The following FAM171A1 variants were observed in gnomAD, a reference collection of about 807,000 sequenced individuals.
FAM171A1 encodes family with sequence similarity 171 member A1.
FAM171A1 carries 23 observed loss-of-function variants against 74.9 expected under a neutral mutation model. The observed-to-expected ratio is 0.31, with a 90% confidence interval of 0.22 to 0.44. The LOEUF is 0.44. Ranked by LOEUF, FAM171A1 falls within the 20% of genes least tolerant of loss-of-function variation. The pLI, the probability that FAM171A1 is intolerant of heterozygous loss-of-function variation, is 1.00. For missense variants in FAM171A1, 1,162 were observed against 1,159.2 expected, an observed-to-expected ratio of 1.00 and a Z score of -0.03; for synonymous variants, 527 against 505.7, an observed-to-expected ratio of 1.04 and a Z score of -0.57.
intron 5 of FAM171A1, among the ~76,000 whole-genome samples, chr10:15,221,417 AG>A (rs1239223201): frequency 6.6e-6 from 1 of 152,142 alleles, no homozygotes; most frequent in African/African-American, 2.4e-5. Flanking sequence ...GTGAAAAGAG[AG>A]GGGGAAATCC....
At chr10:15,277,272 C>T (rs1834906228) in intron 2 of FAM171A1, among the ~76,000 whole-genome samples, 1 of 152,254 alleles carries the variant, frequency 6.6e-6, no homozygotes, top group South Asian at 2.1e-4. Flanking sequence ...GGCTGGAGTG[C>T]AATCGCGTGA....
Position 15,243,371 on chromosome 10 carries a change from G to A in FAM171A1, c.754+5268C>T, listed in dbSNP as rs1287838453. Among the ~76,000 whole-genome samples the A allele has an allele frequency of 2.0e-5, 3 of 152,122 alleles. No individual in the cohort carries two copies. The East Asian group carries it at 5.8e-4, about 29-fold the overall frequency. ...ATCACTTCCACCAAGTCCCTTGACC[G>A]TATAAGGTAATATCCACAGGGCCTG... is the stretch of plus-strand genomic sequence containing the variant. On this transcript the variant is annotated intron_variant, in intron 5 of 7. Transcript: ENST00000378116.
At chr10:15,292,843 C>G (rs1835118161) in intron 1 of FAM171A1, among the ~76,000 whole-genome samples, 1 of 152,168 alleles carries the variant, frequency 6.6e-6, no homozygotes, top group African/African-American at 2.4e-5. Flanking sequence ...CACCAAAACA[C>G]AATTATCATG....
chr10:15,339,807 GAA>G (rs373876435), intron 1 of FAM171A1, among the ~76,000 whole-genome samples: 1,851 of 152,258 alleles, frequency 0.012, 35 homozygotes, highest in African/African-American at 0.042. Flanking sequence ...AATTTATAAA[GAA>G]AAAGAGGCTT....
In FAM171A1 at chr10:15,248,541, C is replaced by T; in HGVS notation, c.754+98G>A. On this transcript the variant is annotated intron_variant, in intron 5 of 7. Coordinates refer to ENST00000378116, the MANE Select transcript of FAM171A1 (RefSeq NM_001010924.2). Reference sequence around the variant, plus strand: ...CAATGTGAGCAGCAGCATTCACTGACTTCAAGGAAAGGAGACTTCCATGAG... The same window carrying T: ...CAATGTGAGCAGCAGCATTCACTGATTTCAAGGAAAGGAGACTTCCATGAG... 2.2e-6 allele frequency: 3 copies of T among 1,334,130 alleles called. No individual in the cohort carries two copies. In the South Asian group the frequency reaches 4.7e-5, roughly 21 times the overall value. The allele number at this position is 1,334,130 out of a possible 1,614,324, so 82.6% of individuals were successfully genotyped here.
chr10:15,262,055 C>T (rs1290186309), intron 3 of FAM171A1, among the ~76,000 whole-genome samples: 1 of 152,164 alleles, frequency 6.6e-6, no homozygotes. Context: ...TCTGAGGCTA[C>T]GGTGAGTTAT....
intron 1 of FAM171A1, among the ~76,000 whole-genome samples, chr10:15,289,656 T>G (rs1293531935): frequency 1.3e-5 from 2 of 152,102 alleles, no homozygotes; most frequent in South Asian, 4.1e-4. Context: ...TCAGCTGACC[T>G]CTCCCTGTCT....
chr10:15,292,767 T>G (rs1407254608), intron 1 of FAM171A1, among the ~76,000 whole-genome samples: 1 of 152,052 alleles, frequency 6.6e-6, no homozygotes, highest in Non-Finnish European at 1.5e-5. Context: ...ATTACAGGGG[T>G]GAGCCACTGC....
At chr10:15,219,399 T>G (rs1036109816) in intron 6 of FAM171A1, among the ~76,000 whole-genome samples, 1 of 152,200 alleles carries the variant, frequency 6.6e-6, no homozygotes, top group Non-Finnish European at 1.5e-5. Context: ...CATCTAAAAT[T>G]AAAGTTCATT....
At chr10:15,341,218 T>C (rs187403791) in intron 1 of FAM171A1, among the ~76,000 whole-genome samples, 3 of 152,286 alleles carry the variant, frequency 2.0e-5, no homozygotes, top group Admixed American at 1.3e-4. Context: ...CCAGGACAAA[T>C]TGGGACAGCT....
upstream of FAM171A1, among the ~76,000 whole-genome samples, chr10:15,374,252 T>C (rs1257438048): frequency 6.6e-6 from 1 of 152,150 alleles, no homozygotes; most frequent in African/African-American, 2.4e-5. Flanking sequence ...GCAGATGCCC[T>C]TGTGAAAGAG....
chr10:15,269,444 T>A (rs115272015), intron 3 of FAM171A1, among the ~76,000 whole-genome samples: 3 of 152,112 alleles, frequency 2.0e-5, no homozygotes, highest in African/African-American at 4.8e-5. Flanking sequence ...TGGAATAGTA[T>A]GCTCTTAGCA....
chr10:15,280,044 A>G (rs1036796559), intron 2 of FAM171A1, among the ~76,000 whole-genome samples: 4 of 152,076 alleles, frequency 2.6e-5, no homozygotes, highest in African/African-American at 9.7e-5. Flanking sequence ...CTGAGATTGC[A>G]CCACTGCACT....
chr10:15,248,388 C>A (rs1286188720), intron 5 of FAM171A1, among the ~76,000 whole-genome samples: 1 of 152,116 alleles, frequency 6.6e-6, no homozygotes, highest in Non-Finnish European at 1.5e-5. Flanking sequence ...TTTACAGATT[C>A]TTTTCAAGTA....
At chr10:15,270,531 G>A (rs1422453691) in intron 3 of FAM171A1, among the ~76,000 whole-genome samples, 2 of 152,160 alleles carry the variant, frequency 1.3e-5, no homozygotes, top group Non-Finnish European at 2.9e-5. Context: ...ACAGAGTAGT[G>A]GTTCTCCAGC....
chr10:15,307,979 T>G (rs1835317410), intron 1 of FAM171A1, among the ~76,000 whole-genome samples: 1 of 152,060 alleles, frequency 6.6e-6, no homozygotes, highest in Admixed American at 6.6e-5. Context: ...CATTTTTTAT[T>G]TTTTAATTTT....
chr10:15,233,968 C>T (rs529023584), intron 5 of FAM171A1, among the ~76,000 whole-genome samples: 131 of 151,300 alleles, frequency 8.7e-4, no homozygotes, highest in African/African-American at 3.1e-3. Flanking sequence ...AGGTGCTTTA[C>T]GTAAATGATC....
At chr10:15,304,222 G>A (rs1835266652) in intron 1 of FAM171A1, among the ~76,000 whole-genome samples, 1 of 152,202 alleles carries the variant, frequency 6.6e-6, no homozygotes, top group Non-Finnish European at 1.5e-5. Flanking sequence ...GTCATGGTGA[G>A]TAGGTATATT....
At chr10:15,254,587 T>A in intron 4 of FAM171A1, 134 bp downstream of exon 4, 4 of 950,994 alleles carry the variant, frequency 4.2e-6, no homozygotes, top group Non-Finnish European at 6.2e-6. Context: ...CTTGAACTTG[T>A]ACCAAGAATT....
Sources: allele counts gnomAD v4.1 joint callset (sites outside exome capture counted in the v4.1 genomes callset), GRCh38; gene constraint gnomAD v4.1.1; transcripts MANE v1.5; gene names NCBI Gene and HGNC (gene_info 2026-07-23, HGNC 2026-07-21).